The following EGFR variants were observed in gnomAD, a reference collection of about 807,000 sequenced individuals.
The protein encoded by EGFR is epidermal growth factor receptor, also known as avian erythroblastic leukemia viral (v-erb-b) oncogene homolog.
A neutral mutation model predicts 143.0 loss-of-function variants in EGFR; 58 were observed. That is an observed-to-expected ratio of 0.41 (90% CI 0.33 to 0.50). The LOEUF (loss-of-function observed/expected upper bound fraction) is 0.50. Among genes scored for constraint, EGFR ranks in the 20% least tolerant of loss-of-function variants. The pLI, the probability that EGFR is intolerant of heterozygous loss-of-function variation, is 0.39. For synonymous variants in EGFR, 613 were observed against 594.4 expected (o/e 1.03, Z -0.45); for missense variants, 1,307 against 1,579.0 (o/e 0.83, Z 2.92).
At chr7:55,199,138 G>A (rs148261190) in intron 23 of EGFR, among the ~76,000 whole-genome samples, 20 of 152,292 alleles carry the variant, frequency 1.3e-4, no homozygotes, top group Middle Eastern at 3.4e-3. Context: ...TATTCTATTC[G>A]CTGAGTTACT....
At chr7:55,131,535 C>G (rs541598660) in intron 1 of EGFR, among the ~76,000 whole-genome samples, 1 of 152,316 alleles carries the variant, frequency 6.6e-6, no homozygotes, top group African/African-American at 2.4e-5. Flanking sequence ...CCTGAAGCAG[C>G]ACCATGCGAG....
chr7:55,163,927 A>G, intron 14 of EGFR, 104 bp downstream of exon 14: 1 of 1,311,880 alleles, frequency 7.6e-7, no homozygotes, highest in Non-Finnish European at 1.1e-6. Flanking sequence ...CAGGACGGCC[A>G]TCAGAGCCAC....
intron 27 of EGFR, chr7:55,202,932 C>T (rs563979854): frequency 1.3e-5 from 8 of 626,922 alleles, no homozygotes; most frequent in African/African-American, 9.1e-5. Context: ...GATGTGTGTA[C>T]ATCTGTGTAT....
intron 1 of EGFR, among the ~76,000 whole-genome samples, chr7:55,042,817 A>G (rs552878631): frequency 6.6e-6 from 1 of 152,184 alleles, no homozygotes; most frequent in Non-Finnish European, 1.5e-5. Context: ...AAGTTTAACA[A>G]ATGATGCTTT....
intron 1 of EGFR, among the ~76,000 whole-genome samples, chr7:55,120,000 C>T (rs1793101171): frequency 6.6e-6 from 1 of 152,248 alleles, no homozygotes; most frequent in Non-Finnish European, 1.5e-5. Flanking sequence ...GAGTTCCTGA[C>T]ATACAAATAG....
chr7:55,182,105 G>A, intron 20 of EGFR: 1 of 159,736 alleles, frequency 6.3e-6, no homozygotes, highest in Non-Finnish European at 1.4e-5. Context: ...TTCACAGCTG[G>A]TGCGGACCCA....
In EGFR at chr7:55,198,796, G is replaced by A; in HGVS notation, c.2781G>A (p.Leu927=). The change falls in exon 23 of 28, where the codon CTG becomes CTA. Residue 927 remains leucine (L), a synonymous_variant. Transcript: ENST00000275493. ...CTGCCAGCGAGATCTCCTCCATCCTGGAGAAAGGAGAACGCCTCCCTCAGC... is the reference window on the plus strand; with the variant it reads ...CTGCCAGCGAGATCTCCTCCATCCTAGAGAAAGGAGAACGCCTCCCTCAGC... ...GIPASEISSI[L]EKGERLPQPP... 1 of 1,614,160 alleles carries A rather than the reference G, an allele frequency of 6.2e-7. No homozygotes were observed. The highest frequency in any genetic ancestry group is 8.5e-7 in the Non-Finnish European group (1 of 1,180,024).
At chr7:55,022,018 C>G (rs1247186773) in intron 1 of EGFR, among the ~76,000 whole-genome samples, 1 of 152,110 alleles carries the variant, frequency 6.6e-6, no homozygotes, top group African/African-American at 2.4e-5. Flanking sequence ...TCAGAGCTGG[C>G]AAGGGGAAAG....
At chr7:55,084,797 G>A (rs1790659860) in intron 1 of EGFR, among the ~76,000 whole-genome samples, 1 of 152,176 alleles carries the variant, frequency 6.6e-6, no homozygotes, top group Non-Finnish European at 1.5e-5. Flanking sequence ...TTATTAGGAA[G>A]AGGAATTTGG....
chr7:55,111,516 G>A (rs759158), intron 1 of EGFR, among the ~76,000 whole-genome samples: 1 of 151,876 alleles, frequency 6.6e-6, no homozygotes, highest in African/African-American at 2.4e-5. Context: ...GTATTAGGGG[G>A]TTTTAAATTG....
At chr7:55,172,628 GA>G (rs1786402638) in intron 16 of EGFR, among the ~76,000 whole-genome samples, 1 of 152,144 alleles carries the variant, frequency 6.6e-6, no homozygotes, top group Admixed American at 6.5e-5. Context: ...CTCTTGGAAT[GA>G]ACAAAATACC....
chr7:55,174,857 C>T (rs2128954985), intron 19 of EGFR, 37 bp downstream of exon 19: 1 of 1,548,554 alleles, frequency 6.5e-7, no homozygotes, highest in Non-Finnish European at 8.9e-7. Context: ...GTCCATGGCT[C>T]TGAACCTCAG....
At chr7:55,117,383 G>A (rs67511428) in intron 1 of EGFR, among the ~76,000 whole-genome samples, 5,548 of 152,250 alleles carry the variant, frequency 0.036, 138 homozygotes, top group Non-Finnish European at 0.049. Flanking sequence ...GGCATTTCCC[G>A]GGGTGGGGGG....
At chr7:55,171,288 T>G in intron 16 of EGFR, 75 bp downstream of exon 16, 1 of 1,585,360 alleles carries the variant, frequency 6.3e-7, no homozygotes, top group Non-Finnish European at 8.7e-7. Context: ...GATGCTTTCC[T>G]GCATTTCTGA....
intron 1 of EGFR, among the ~76,000 whole-genome samples, chr7:55,062,460 A>G (rs1789243646): frequency 6.6e-6 from 1 of 152,142 alleles, no homozygotes; most frequent in African/African-American, 2.4e-5. Context: ...AGCCCTAGAA[A>G]TAGCTTGCAA....
intron 1 of EGFR, among the ~76,000 whole-genome samples, chr7:55,127,400 A>G (rs573938592): frequency 3.4e-4 from 52 of 152,252 alleles, no homozygotes; most frequent in African/African-American, 1.2e-3. Flanking sequence ...AAGTGTTACC[A>G]CATTTTCCAA....
intron 1 of EGFR, 139 bp from the exon 2 acceptor site, chr7:55,142,147 C>A: frequency 1.0e-6 from 1 of 996,926 alleles, no homozygotes; most frequent in Non-Finnish European, 1.5e-6. Context: ...CCCAGATGAC[C>A]TGGGCAGGAA....
chr7:55,085,848 C>T lies in EGFR; in HGVS notation c.89-56438C>T, dbSNP rs958821230. Among the ~76,000 whole-genome samples the T allele has an allele frequency of 1.6e-4, 24 of 152,220 alleles. 1 individual carries two copies. Among genetic ancestry groups the T allele is most frequent in the South Asian group, 8.3e-4 (4 of 4,824 alleles). On this transcript the variant is annotated intron_variant, in intron 1 of 27. Transcript: ENST00000275493. ...TAAGGAAATGAGGAGCCACAGTGGC[C>T]CAACTGATGCAGTGGCAGAAGTAGA...
intron 1 of EGFR, among the ~76,000 whole-genome samples, chr7:55,089,154 T>C (rs1270936242): frequency 6.6e-6 from 1 of 152,086 alleles, no homozygotes; most frequent in East Asian, 1.9e-4. Flanking sequence ...TGCCTCTTGC[T>C]TTTTTTTAAC....
Sources: allele counts gnomAD v4.1 joint callset (sites outside exome capture counted in the v4.1 genomes callset), GRCh38; gene constraint gnomAD v4.1.1; transcripts MANE v1.5; gene names NCBI Gene and HGNC (gene_info 2026-07-23, HGNC 2026-07-21).